Variants in MEGF10 observed in about 807,000 individuals in gnomAD.
MEGF10 encodes multiple EGF like domains 10.
MEGF10 carries 86 observed loss-of-function variants against 147.5 expected under a neutral mutation model. The ratio of observed to expected loss-of-function variants is 0.58; its 90% CI spans 0.49 to 0.70. The LOEUF is 0.70. Among genes scored for constraint, MEGF10 ranks in the 30% least tolerant of loss-of-function variants. MEGF10 has a pLI of 0.00. For missense variants in MEGF10, 1,329 were observed against 1,487.3 expected, an observed-to-expected ratio of 0.89 and a Z score of 1.75; for synonymous variants, 478 against 525.5, an observed-to-expected ratio of 0.91 and a Z score of 1.24.
intron 1 of MEGF10, among the ~76,000 whole-genome samples, chr5:127,329,119 A>G (rs1265786793): frequency 6.6e-6 from 1 of 152,144 alleles, no homozygotes; most frequent in Non-Finnish European, 1.5e-5. Context: ...TTTTTTATTC[A>G]TTCCCCTTAA....
intron 3 of MEGF10, 45 bp downstream of exon 3, chr5:127,339,266 T>C (rs1761586195): frequency 1.6e-6 from 2 of 1,271,234 alleles, no homozygotes; most frequent in South Asian, 1.2e-5. Flanking sequence ...TAACTGGGAA[T>C]AGATTCTAAT....
Position 127,449,160 on chromosome 5 carries a change from T to G in MEGF10, c.2918T>G (p.Val973Gly). Residue 973 changes from valine (V) to glycine (G), a missense_variant, in exon 22 of 25, where the codon GTG becomes GGG. Physicochemically the swap from Val to Gly is moderately radical, Grantham distance 109. This residue lies in a region of MEGF10 where 343 missense variants were observed against 377.9 expected (regional missense o/e 0.91). Transcript: ENST00000503335. ...GTGAACCCTGGGAAGAGAGGCCCTG[T>G]GGGGGACTGCACTGGGACATTGCCG... ...KNVNPGKRGPVGDCTGTLPAD... is the reference protein window; with the variant it reads ...KNVNPGKRGPGGDCTGTLPAD... 1 of 1,614,128 alleles carries G rather than the reference T, an allele frequency of 6.2e-7. No homozygotes were observed. Among genetic ancestry groups the G allele is most frequent in the South Asian group, 1.1e-5 (1 of 91,066 alleles).
At chr5:127,382,093 C>T (rs1763287755) in intron 5 of MEGF10, among the ~76,000 whole-genome samples, 1 of 152,186 alleles carries the variant, frequency 6.6e-6, no homozygotes, top group African/African-American at 2.4e-5. Flanking sequence ...AATTTCCCCC[C>T]AAAAGCTAAT....
At chr5:127,417,603 C>T in intron 9 of MEGF10, 35 bp from the exon 10 acceptor site, 1 of 1,611,946 alleles carries the variant, frequency 6.2e-7, no homozygotes, top group Non-Finnish European at 8.5e-7. Context: ...ATGTTTACCC[C>T]AAAGTGACTT....
chr5:127,402,595 G>A lies in MEGF10; in HGVS notation c.830G>A (p.Cys277Tyr). The change falls in exon 8 of 25, where the codon TGT (cysteine) becomes TAT (tyrosine). Residue 277 changes from cysteine (C) to tyrosine (Y), a missense_variant. Physicochemically the swap from Cys to Tyr is radical, Grantham distance 194. Transcript: ENST00000503335. ...PCPEGRFGKN[C>Y]SQECQCHNGG... ...CCCGAGGGTCGCTTTGGAAAGAACT[G>A]TTCCCAAGAATGCCAGTGCCATAAT... 6.2e-7 allele frequency: 1 copy of A among 1,614,100 alleles called. No individual in the cohort carries two copies. Among genetic ancestry groups the A allele is most frequent in the Non-Finnish European group, 8.5e-7 (1 of 1,179,988 alleles).
chr5:127,423,446 A>G (rs975025482), intron 13 of MEGF10, among the ~76,000 whole-genome samples: 1 of 152,214 alleles, frequency 6.6e-6, no homozygotes, highest in Non-Finnish European at 1.5e-5. Flanking sequence ...CCACCTTCCA[A>G]GTATCATGAG....
At chr5:127,440,550 C>T (rs1379228641) in intron 17 of MEGF10, among the ~76,000 whole-genome samples, 189 bp from the exon 18 acceptor site, 1 of 152,210 alleles carries the variant, frequency 6.6e-6, no homozygotes, top group East Asian at 1.9e-4. Context: ...GAATTACAAC[C>T]TCCTTGCAAG....
chr5:127,438,622 C>T (rs986527582), intron 17 of MEGF10, 55 bp downstream of exon 17: 4 of 1,590,612 alleles, frequency 2.5e-6, no homozygotes, highest in Non-Finnish European at 3.4e-6. Flanking sequence ...AAGGAGGAAA[C>T]AGCCTTACCC....
intron 1 of MEGF10, among the ~76,000 whole-genome samples, chr5:127,328,139 C>T (rs756357293): frequency 6.6e-6 from 1 of 152,156 alleles, no homozygotes; most frequent in Non-Finnish European, 1.5e-5. Flanking sequence ...TTCTCTACAG[C>T]TTATTGGCAT....
intron 4 of MEGF10, among the ~76,000 whole-genome samples, chr5:127,356,296 A>G (rs1762280193): frequency 6.6e-6 from 1 of 152,202 alleles, no homozygotes; most frequent in African/African-American, 2.4e-5. Flanking sequence ...GGAGGGAGAG[A>G]TTGATGCGCT....
intron 13 of MEGF10, among the ~76,000 whole-genome samples, chr5:127,429,676 G>A (rs1330886419): frequency 2.0e-5 from 3 of 151,956 alleles, no homozygotes; most frequent in Admixed American, 6.6e-5. Flanking sequence ...CCTCTTCCCC[G>A]CATCTCTGCT....
At chr5:127,439,567 A>G (rs1052633389) in intron 17 of MEGF10, among the ~76,000 whole-genome samples, 23 of 152,238 alleles carry the variant, frequency 1.5e-4, no homozygotes, top group South Asian at 1.2e-3. Flanking sequence ...CAGAGTTCGT[A>G]TATCTATAAA....
chr5:127,305,745 G>A (rs531133140), intron 1 of MEGF10, among the ~76,000 whole-genome samples: 7 of 152,274 alleles, frequency 4.6e-5, no homozygotes, highest in Admixed American at 2.6e-4. Flanking sequence ...TGCAGCCACC[G>A]GGGATGGTTT....
chr5:127,445,493 GC>G lies in MEGF10; in HGVS notation c.2530del (p.Arg844GlufsTer24). On this transcript the variant is annotated frameshift_variant, in exon 20 of 25. Coordinates refer to ENST00000503335, the MANE Select transcript of MEGF10 (RefSeq NM_001256545.2). LOFTEE classifies it high-confidence loss of function. ...VIIVGNLNSLSRTSTALPADS... is the reference protein window; with the variant it reads ...VIIVGNLNSLXRTSTALPADS... ...ATAGTTGGAAATCTGAACAGCTTAA[GC>G]CGAACCAGTACTGCTCTCCCTGCTG... 1 of 1,614,124 alleles carries G rather than the reference GC, an allele frequency of 6.2e-7. No individual in the cohort carries two copies. Among genetic ancestry groups the G allele is most frequent in the Non-Finnish European group, 8.5e-7 (1 of 1,180,012 alleles).
intron 17 of MEGF10, among the ~76,000 whole-genome samples, chr5:127,440,249 G>A (rs770020673): frequency 1.3e-5 from 2 of 152,174 alleles, no homozygotes; most frequent in Non-Finnish European, 2.9e-5. Flanking sequence ...CCTCTTCAGG[G>A]AAGTTGATAT....
chr5:127,230,499 T>A, the MEGF10 span, among the ~76,000 whole-genome samples: 1 of 152,090 alleles, frequency 6.6e-6, no homozygotes, highest in Admixed American at 6.6e-5. Flanking sequence ...GAGTCCCAGA[T>A]CTTAGTTCAT....
At chr5:127,248,209 G>C in the MEGF10 span, among the ~76,000 whole-genome samples, 1 of 152,050 alleles carries the variant, frequency 6.6e-6, no homozygotes, top group Non-Finnish European at 1.5e-5. Context: ...AAGCCTGAAG[G>C]ATCAAGAGAA....
In MEGF10 at chr5:127,346,471, T is replaced by A. The variant is rs1280154339; in HGVS notation, c.319+5841T>A. On this transcript the variant is annotated intron_variant, in intron 4 of 24. Transcript: ENST00000503335. ...CCCTGATCATTAGTGCTGTTGAGCA[T>A]TTTTTCATATGTTTGTTGGCCATTT... 2.0e-5 allele frequency among the ~76,000 whole-genome samples: 3 copies of A among 152,210 alleles called. No individual in the cohort carries two copies. The South Asian group carries it at 6.2e-4, about 31-fold the overall frequency.
chr5:127,279,409 A>C, the MEGF10 span, among the ~76,000 whole-genome samples: 1 of 152,180 alleles, frequency 6.6e-6, no homozygotes, highest in Non-Finnish European at 1.5e-5. Flanking sequence ...GAACATGTTC[A>C]TTGGAAGAAA....
Sources: gnomAD v4.1 joint callset for allele counts (sites outside exome capture counted in the v4.1 genomes callset) on GRCh38, gnomAD v4.1.1 for gene constraint, gnomAD v4.1.1 regional missense constraint, MANE v1.5 for transcripts, NCBI Gene and HGNC (gene_info 2026-07-23, HGNC 2026-07-21) for gene names.